Variants in WAPL observed in about 807,000 individuals in gnomAD.
WAPL encodes wings apart-like protein homolog.
Under a neutral mutation model 121.0 loss-of-function variants are expected in WAPL, and 5 were observed. The observed-to-expected ratio is 0.04, with a 90% CI of 0.02 to 0.09. The LOEUF is 0.09. WAPL is among the 10% of genes least tolerant of loss of function. The pLI is 1.00. For missense variants in WAPL, 999 were observed against 1,410.8 expected, an observed-to-expected ratio of 0.71 and a Z score of 4.68; for synonymous variants, 480 against 481.5, an observed-to-expected ratio of 1.00 and a Z score of 0.04.
intron 5 of WAPL, among the ~76,000 whole-genome samples, chr10:86,473,501 T>C (rs1841581613): frequency 6.6e-6 from 1 of 152,172 alleles, no homozygotes; most frequent in Admixed American, 6.5e-5. Flanking sequence ...GAAAAGCAAA[T>C]TAAGCACTGA....
At chr10:86,495,837 G>A (rs534373232) in intron 4 of WAPL, among the ~76,000 whole-genome samples, 5 of 152,142 alleles carry the variant, frequency 3.3e-5, no homozygotes, top group South Asian at 2.1e-4. Context: ...GCAAAGGGCC[G>A]GGCACGGTGG....
chr10:86,459,698 C>T (rs1325287160), intron 11 of WAPL, among the ~76,000 whole-genome samples: 1 of 152,186 alleles, frequency 6.6e-6, no homozygotes, highest in African/African-American at 2.4e-5. Flanking sequence ...AACAATCTGA[C>T]TCAAATAAAA....
chr10:86,508,516 C>T (rs1842393521), intron 2 of WAPL, among the ~76,000 whole-genome samples: 2 of 152,068 alleles, frequency 1.3e-5, no homozygotes, highest in South Asian at 4.1e-4. Flanking sequence ...CACTTGTTAC[C>T]CCCCATTTCC....
At position 86,443,363 on chromosome 10, in the gene WAPL, G is replaced by A; in HGVS notation, c.3323C>T (p.Ala1108Val). 6.2e-7 allele frequency: 1 copy of A among 1,613,810 alleles called. No individual in the cohort carries two copies. Among genetic ancestry groups the A allele is most frequent in the Non-Finnish European group, 8.5e-7 (1 of 1,179,824 alleles). ...CATGTGTTTGCCGGCATGCTGAAGGGCTGAGAGAATTGAAGTAAAGAATTG... is the reference window on the plus strand; with the variant it reads ...CATGTGTTTGCCGGCATGCTGAAGGACTGAGAGAATTGAAGTAAAGAATTG... ...EEDEELDLNK[A>V]LQHAGKHMED... The change falls in exon 17 of 19, where the codon GCC becomes GTC. Residue 1108 changes from alanine (A) to valine (V), a missense_variant and splice_region_variant. By Grantham distance (64) the Ala-to-Val change is moderately conservative. Around this residue, in one of 7 missense-constraint regions of WAPL, gnomAD observed 126 missense variants for 144.0 expected, o/e 0.87. Coordinates refer to ENST00000298767, the MANE Select transcript of WAPL (RefSeq NM_015045.5).
Position 86,472,118 on chromosome 10 carries a change from TA to T in WAPL, c.2030+89del. On this transcript the variant is annotated intron_variant, in intron 7 of 18. Transcript: ENST00000298767. This position sits in a 1 kb window ranked among gnomAD's most constrained non-coding sequence, Gnocchi z 4.2. The stretch of plus-strand genomic sequence containing the variant: ...TACATACTACCCCATCATAACAAAA[TA>T]AAAAATGTTTGGCTTTTTGGACAAC... 1 of 1,301,208 alleles carries T rather than the reference TA, an allele frequency of 7.7e-7. No homozygotes were observed. Among genetic ancestry groups the T allele is most frequent in the Non-Finnish European group, 1.0e-6 (1 of 964,976 alleles). The allele number at this position is 1,301,208 out of a possible 1,614,324, so 80.6% of individuals were successfully genotyped here.
chr10:86,465,818 G>A (rs1340269199), intron 9 of WAPL, among the ~76,000 whole-genome samples: 3 of 152,142 alleles, frequency 2.0e-5, no homozygotes, highest in Admixed American at 1.3e-4. Flanking sequence ...CTTGGACTCT[G>A]GAGGTACATT....
At chr10:86,520,790 A>G (rs1286662490) in intron 1 of WAPL, among the ~76,000 whole-genome samples, 5 of 113,446 alleles carry the variant, frequency 4.4e-5, no homozygotes, top group Non-Finnish European at 9.4e-5. Flanking sequence ...AAAAAAAAAA[A>G]GCAAAAAGCC....
At chr10:86,496,206 C>T (rs904122276) in intron 4 of WAPL, among the ~76,000 whole-genome samples, 6 of 152,186 alleles carry the variant, frequency 3.9e-5, no homozygotes, top group East Asian at 1.9e-4. Flanking sequence ...TGCTCAACAT[C>T]ACTAATCATT....
chr10:86,448,442 C>T (rs11202040), intron 15 of WAPL, among the ~76,000 whole-genome samples: 57,748 of 151,862 alleles, frequency 0.38, 11,510 homozygotes, highest in South Asian at 0.6. Context: ...AAGAGTGAGA[C>T]CCTGTATGTA....
chr10:86,503,272 TG>T (rs1324472743), intron 2 of WAPL, among the ~76,000 whole-genome samples: 2 of 151,536 alleles, frequency 1.3e-5, no homozygotes, highest in African/African-American at 4.9e-5. Context: ...CACGGTGTGC[TG>T]AGGACTAAAC....
chr10:86,481,593 G>C (rs1193130528), intron 4 of WAPL, among the ~76,000 whole-genome samples: 2 of 151,936 alleles, frequency 1.3e-5, no homozygotes, highest in African/African-American at 2.4e-5. Context: ...GGCTGCTCTC[G>C]AACTCCTGAC....
intron 4 of WAPL, among the ~76,000 whole-genome samples, chr10:86,476,291 G>C (rs986166715): frequency 2.6e-5 from 4 of 152,200 alleles, no homozygotes; most frequent in African/African-American, 9.6e-5. Flanking sequence ...CTAGAACCCG[G>C]GAGTCGGAGG....
chr10:86,497,258 A>G lies in WAPL; in HGVS notation c.1587T>C (p.Asn529=), dbSNP rs761847740. 3.1e-6 allele frequency: 5 copies of G among 1,613,300 alleles called. No homozygotes were observed. The Admixed American group carries it at 6.7e-5, about 22-fold the overall frequency. The change falls in exon 4 of 19, where the codon AAT becomes AAC. Residue 529 remains asparagine, a synonymous_variant. Transcript: ENST00000298767. ...GVPESVKKPI[N]KQGDKSKENT... ...TTTCCTTTGATTTATCTCCTTGTTT[A>G]TTTATGGGCTTCTTCACACTTTCAG... is the stretch of plus-strand genomic sequence containing the variant.
At chr10:86,451,460 G>A (rs1364986677) in intron 15 of WAPL, among the ~76,000 whole-genome samples, 6 of 150,824 alleles carry the variant, frequency 4.0e-5, no homozygotes, top group Non-Finnish European at 7.4e-5. Flanking sequence ...ATGCCACTTC[G>A]GCTCACCGCA....
chr10:86,520,191 A>G (rs1842645869), intron 1 of WAPL, among the ~76,000 whole-genome samples: 1 of 152,188 alleles, frequency 6.6e-6, no homozygotes, highest in African/African-American at 2.4e-5. Flanking sequence ...GCTACTCCGG[A>G]GGCTGGGGCA....
intron 12 of WAPL, among the ~76,000 whole-genome samples, chr10:86,455,683 T>TAAA (rs539594893): frequency 3.4e-5 from 1 of 29,094 alleles, no homozygotes; most frequent in Non-Finnish European, 7.4e-5. Flanking sequence ...CAATAAATAC[T>TAAA]AAAAAAAAAA....
chr10:86,505,633 C>T (rs1474631323), intron 2 of WAPL, among the ~76,000 whole-genome samples: 1 of 151,970 alleles, frequency 6.6e-6, no homozygotes, highest in Non-Finnish European at 1.5e-5. Flanking sequence ...TATTTTTGTA[C>T]CAGCCTCGGC....
At chr10:86,444,164 G>GAT (rs1397220581) in intron 16 of WAPL, 1 of 152,178 alleles carries the variant, frequency 6.6e-6, no homozygotes, top group Non-Finnish European at 1.5e-5. Context: ...ACCACAATGA[G>GAT]ATATCATGTC....
chr10:86,438,070 C>CGAGGTGCAAT, intron 17 of WAPL, 55 bp from the exon 18 acceptor site: 1 of 1,331,304 alleles, frequency 7.5e-7, no homozygotes, highest in Non-Finnish European at 1.1e-6. Flanking sequence ...TGAGATTGCA[C>CGAGGTGCAAT]CTCGTACAAT....
Sources: allele counts gnomAD v4.1 joint callset (sites outside exome capture counted in the v4.1 genomes callset), GRCh38; gene constraint gnomAD v4.1.1; regional missense constraint gnomAD v4.1.1; non-coding constraint Gnocchi (gnomAD v3.1); transcripts MANE v1.5; gene names NCBI Gene and HGNC (gene_info 2026-07-23, HGNC 2026-07-21).